Variants in CFAP221 observed in about 807,000 individuals in gnomAD.
CFAP221 encodes the protein cilia- and flagella-associated protein 221.
CFAP221 carries 97 observed loss-of-function variants against 113.1 expected under a neutral mutation model. The ratio of observed to expected loss-of-function variants is 0.86; its 90% confidence interval spans 0.73 to 1.02. The LOEUF is 1.02. Ranked by LOEUF, CFAP221 falls within the 50% of genes least tolerant of loss-of-function variation. The pLI is 0.00. For missense variants in CFAP221, 1,025 were observed against 1,013.4 expected (o/e 1.01, Z -0.16); for synonymous variants, 331 against 354.4 (o/e 0.93, Z 0.74).
chr2:119,627,678 G>A lies in CFAP221; in HGVS notation c.1542G>A (p.Leu514=). 2 of 1,613,360 alleles carry A rather than the reference G, an allele frequency of 1.2e-6. No individual in the cohort carries two copies. The highest frequency in any genetic ancestry group is 1.7e-6 in the Non-Finnish European group (2 of 1,179,732). The change falls in exon 16 of 24, where the codon CTG becomes CTA. Residue 514 remains leucine (L), a synonymous_variant. Transcript: ENST00000413369. ...AQEANFFKFF[L]RRISQDDYTS... ...AGGCGAATTTCTTCAAATTCTTCCT[G>A]AGGCGGATCAGTCAGGATGATTATA...
chr2:119,569,648 C>T (rs1372517983), intron 6 of CFAP221, among the ~76,000 whole-genome samples: 1 of 151,936 alleles, frequency 6.6e-6, no homozygotes, highest in African/African-American at 2.4e-5. Flanking sequence ...TTGTAGTTGT[C>T]CCACAGTTTT....
At chr2:119,655,557 A>G (rs979366459) in intron 23 of CFAP221, among the ~76,000 whole-genome samples, 3 of 152,190 alleles carry the variant, frequency 2.0e-5, no homozygotes, top group African/African-American at 7.2e-5. Context: ...TTGGATTTAT[A>G]TTGCCCAAGC....
intron 8 of CFAP221, among the ~76,000 whole-genome samples, chr2:119,603,456 T>G (rs1318234404): frequency 6.6e-6 from 1 of 152,166 alleles, no homozygotes; most frequent in Non-Finnish European, 1.5e-5. Flanking sequence ...TCCCATGCCC[T>G]GGGTTGTAAG....
Position 119,552,809 on chromosome 2 carries a change from A to ATTTC in CFAP221, c.240+3628_240+3631dup, listed in dbSNP as rs3980293. On this transcript the variant is annotated intron_variant, in intron 3 of 23. Transcript: ENST00000413369. ...TCTTTAATAAGAAATAAATAGAAATATTTCTTTAATAAGAAATAAAGAGAA... is the reference window on the plus strand; with the variant it reads ...TCTTTAATAAGAAATAAATAGAAATATTTCTTTCTTTAATAAGAAATAAAGAGAA... Among the ~76,000 whole-genome samples the ATTTC allele has an allele frequency of 1.9e-4, 6 of 30,992 alleles. 1 individual carries two copies. Among genetic ancestry groups the ATTTC allele is most frequent in the Admixed American group, 3.0e-4 (1 of 3,362 alleles). The allele number at this position is 30,992 out of a possible 152,430, so 20.3% of individuals were successfully genotyped here.
chr2:119,584,733 A>G (rs1683092589), intron 6 of CFAP221, among the ~76,000 whole-genome samples: 1 of 152,260 alleles, frequency 6.6e-6, no homozygotes, highest in African/African-American at 2.4e-5. Context: ...AAGAATGAGA[A>G]TGAAAGTGAA....
rs545240710 is a variant in CFAP221 at position 119,586,239 on chromosome 2, G to A, written c.528-880G>A. Among the ~76,000 whole-genome samples, 7 of 152,274 alleles carry A rather than the reference G, an allele frequency of 4.6e-5. No individual in the cohort carries two copies. The South Asian group carries it at 1.2e-3, about 27-fold the overall frequency. ...AGGGAGTGGCTGGGTCACTTGAAAG[G>A]AAGCACTTGACTTCCTGCTGCTGCA... On this transcript the variant is annotated intron_variant, in intron 6 of 23. Transcript: ENST00000413369.
intron 6 of CFAP221, among the ~76,000 whole-genome samples, chr2:119,576,218 C>T (rs1162336077): frequency 1.3e-5 from 2 of 152,128 alleles, no homozygotes; most frequent in South Asian, 2.1e-4. Context: ...ATTTTAGGTT[C>T]GGGGATACAT....
chr2:119,596,781 T>C (rs1185168792), intron 7 of CFAP221, among the ~76,000 whole-genome samples: 1 of 152,256 alleles, frequency 6.6e-6, no homozygotes, highest in Non-Finnish European at 1.5e-5. Context: ...CTGGGAAATT[T>C]AGACATGAAC....
intron 14 of CFAP221, among the ~76,000 whole-genome samples, chr2:119,618,011 C>T (rs1029268477): frequency 6.6e-6 from 1 of 152,206 alleles, no homozygotes; most frequent in African/African-American, 2.4e-5. Flanking sequence ...TCTGCAGAGG[C>T]CTTCCCTCAT....
At chr2:119,555,972 C>T (rs985986530) in intron 3 of CFAP221, 3 of 152,146 alleles carry the variant, frequency 2.0e-5, no homozygotes, top group African/African-American at 7.2e-5. Context: ...ACTTTGTTTT[C>T]TAAAGTGTAG....
intron 6 of CFAP221, among the ~76,000 whole-genome samples, chr2:119,570,669 C>G (rs921089649): frequency 6.6e-6 from 1 of 152,182 alleles, no homozygotes; most frequent in East Asian, 1.9e-4. Flanking sequence ...ATCATGTTTT[C>G]AAAGGCCATC....
chr2:119,612,603 A>T (rs1477051272), intron 13 of CFAP221, among the ~76,000 whole-genome samples: 1 of 152,224 alleles, frequency 6.6e-6, no homozygotes, highest in Non-Finnish European at 1.5e-5. Flanking sequence ...TTAGATGGGG[A>T]CATGGCCAAA....
intron 7 of CFAP221, among the ~76,000 whole-genome samples, chr2:119,588,336 C>T (rs971661574): frequency 1.3e-5 from 2 of 152,058 alleles, no homozygotes; most frequent in Admixed American, 6.5e-5. Context: ...TCCAGGAATT[C>T]GTAGTGTTGG....
At chr2:119,660,113 T>C (rs894710938), downstream of CFAP221, 1 of 152,224 alleles carries the variant, frequency 6.6e-6, no homozygotes. Flanking sequence ...TATGTCCATT[T>C]CAGTTTCCCC....
At chr2:119,556,929 A>G (rs1007565286) in intron 3 of CFAP221, 2 of 152,114 alleles carry the variant, frequency 1.3e-5, no homozygotes, top group African/African-American at 4.8e-5. Flanking sequence ...TTCATGTTCA[A>G]ATGGGTAGTG....
chr2:119,558,991 T>C (rs1237493815), intron 3 of CFAP221, among the ~76,000 whole-genome samples: 1 of 152,194 alleles, frequency 6.6e-6, no homozygotes, highest in Admixed American at 6.5e-5. Flanking sequence ...TGGCCTAGAC[T>C]TCAGAAACCA....
intron 17 of CFAP221, 51 bp downstream of exon 17, chr2:119,630,006 A>G (rs761362278): frequency 1.4e-6 from 2 of 1,461,492 alleles, no homozygotes; most frequent in Non-Finnish European, 1.9e-6. Flanking sequence ...TAAGTAAACA[A>G]AATATTCTTG....
At chr2:119,652,769 T>TTTCAAAC (rs1482214717) in intron 23 of CFAP221, among the ~76,000 whole-genome samples, 5 of 152,062 alleles carry the variant, frequency 3.3e-5, no homozygotes, top group African/African-American at 1.2e-4. Flanking sequence ...GTTCATATGC[T>TTTCAAAC]TTATAAGTTT....
At chr2:119,652,736 C>A (rs1311440108) in intron 23 of CFAP221, among the ~76,000 whole-genome samples, 2 of 152,034 alleles carry the variant, frequency 1.3e-5, no homozygotes, top group Non-Finnish European at 2.9e-5. Context: ...TTGAAGAATA[C>A]TTTTTAATGT....
Sources: gnomAD v4.1 joint callset for allele counts (sites outside exome capture counted in the v4.1 genomes callset) on GRCh38, gnomAD v4.1.1 for gene constraint, MANE v1.5 for transcripts, NCBI Gene and HGNC (gene_info 2026-07-23, HGNC 2026-07-21) for gene names.